Variants in ANKFN1 observed in about 807,000 individuals in gnomAD.
ANKFN1 encodes ankyrin repeat and fibronectin type-III domain-containing protein 1.
ANKFN1 carries 74 observed loss-of-function variants against 108.7 expected under a neutral mutation model. The observed-to-expected ratio is 0.68, with a 90% CI of 0.56 to 0.83. The LOEUF (loss-of-function observed/expected upper bound fraction) is 0.83. ANKFN1 is among the 40% of genes least tolerant of loss of function. ANKFN1 has a pLI of 0.00. For missense variants in ANKFN1, 1,505 were observed against 1,382.3 expected (o/e 1.09, Z -1.41); for synonymous variants, 547 against 516.2 (o/e 1.06, Z -0.81).
intron 8 of ANKFN1, among the ~76,000 whole-genome samples, chr17:56,427,913 C>T (rs762524227): frequency 1.3e-5 from 2 of 151,966 alleles, no homozygotes; most frequent in Admixed American, 6.6e-5. Context: ...CATTACCTAC[C>T]ACATAGGAGT....
intron 3 of ANKFN1, among the ~76,000 whole-genome samples, chr17:56,280,702 G>GT (rs151006741): frequency 0.046 from 6,922 of 151,462 alleles, 529 homozygotes; most frequent in African/African-American, 0.16. Context: ...AAATCACGGA[G>GT]TTTTTTTTTG....
intron 8 of ANKFN1, among the ~76,000 whole-genome samples, chr17:56,415,101 C>A (rs1214471296): frequency 6.6e-6 from 1 of 152,096 alleles, no homozygotes; most frequent in Non-Finnish European, 1.5e-5. Flanking sequence ...ATAACAGACT[C>A]ACAGCCTTTG....
At chr17:56,443,022 C>T in intron 10 of ANKFN1, 89 bp downstream of exon 10, 1 of 1,289,268 alleles carries the variant, frequency 7.8e-7, no homozygotes, top group South Asian at 1.3e-5. Flanking sequence ...TCCCTTCCCC[C>T]ACTGCTTGCA....
chr17:56,051,017 G>A (rs1904765148), intron 4 of ANKFN1, among the ~76,000 whole-genome samples: 1 of 112,318 alleles, frequency 8.9e-6, no homozygotes. Flanking sequence ...CATTCCTTCT[G>A]AAACTATTCC....
chr17:56,353,019 G>A (rs565266672), intron 5 of ANKFN1, among the ~76,000 whole-genome samples: 3 of 152,198 alleles, frequency 2.0e-5, no homozygotes, highest in Admixed American at 6.5e-5. Context: ...AGCCATAACT[G>A]CTACCTGTGC....
rs374131619 is a variant in ANKFN1, at chr17:56,508,498, A to C, written c.2645-1975A>C. 1.2e-4 allele frequency among the ~76,000 whole-genome samples: 19 copies of C among 152,332 alleles called. No individual in the cohort carries two copies. The East Asian group carries it at 1.7e-3, about 14-fold the overall frequency. On this transcript the variant is annotated intron_variant, in intron 20 of 20. Transcript: ENST00000682825. ...TTTTATACAACTCATATAATATCAA[A>C]ACGGGACTACTTGTGCTCTTTCTTT...
chr17:56,107,839 A>C (rs913282873), intron 4 of ANKFN1, among the ~76,000 whole-genome samples: 1 of 152,102 alleles, frequency 6.6e-6, no homozygotes, highest in Non-Finnish European at 1.5e-5. Flanking sequence ...GCATTCCTAT[A>C]GCACCTTTTT....
At chr17:56,211,065 T>C (rs1257538807) in intron 1 of ANKFN1, among the ~76,000 whole-genome samples, 1 of 152,246 alleles carries the variant, frequency 6.6e-6, no homozygotes, top group Admixed American at 6.5e-5. Flanking sequence ...CTGTTTACTC[T>C]GCTGATTATT....
At chr17:56,174,499 G>C in intron 1 of ANKFN1, 2 of 823,826 alleles carry the variant, frequency 2.4e-6, no homozygotes, top group Non-Finnish European at 2.9e-6. Context: ...CCCCTCCATG[G>C]AGTCTCTCTG....
chr17:56,408,314 G>T (rs1003357252), intron 8 of ANKFN1, among the ~76,000 whole-genome samples: 1 of 152,124 alleles, frequency 6.6e-6, no homozygotes, highest in Non-Finnish European at 1.5e-5. Flanking sequence ...TATCAAAGAT[G>T]TTTATACACA....
At chr17:56,052,636 C>A (rs1036122431) in intron 4 of ANKFN1, among the ~76,000 whole-genome samples, 6 of 152,100 alleles carry the variant, frequency 3.9e-5, no homozygotes, top group Non-Finnish European at 8.8e-5. Context: ...CATGCATTCC[C>A]ATCTCTCACC....
intron 15 of ANKFN1, among the ~76,000 whole-genome samples, chr17:56,473,997 A>G (rs2050415230): frequency 6.6e-6 from 1 of 152,122 alleles, no homozygotes; most frequent in Non-Finnish European, 1.5e-5. Context: ...TTATAAGCAC[A>G]TTTTCATATT....
chr17:56,416,855 C>A (rs1308985333), intron 8 of ANKFN1, among the ~76,000 whole-genome samples: 1 of 152,204 alleles, frequency 6.6e-6, no homozygotes. Context: ...CACATTTACA[C>A]AGTGGAGTAC....
At chr17:56,081,090 G>T (rs1905240093) in intron 4 of ANKFN1, among the ~76,000 whole-genome samples, 1 of 152,130 alleles carries the variant, frequency 6.6e-6, no homozygotes, top group Admixed American at 6.5e-5. Flanking sequence ...GGTCTATCTT[G>T]TTACTAGTGG....
intron 4 of ANKFN1, among the ~76,000 whole-genome samples, chr17:56,062,961 A>G (rs1049712591): frequency 6.6e-6 from 1 of 152,146 alleles, no homozygotes; most frequent in African/African-American, 2.4e-5. Flanking sequence ...TCTGGAAAGA[A>G]ATTTATTTCT....
chr17:56,221,979 C>T (rs1323620241), intron 2 of ANKFN1, among the ~76,000 whole-genome samples: 2 of 152,188 alleles, frequency 1.3e-5, no homozygotes, highest in African/African-American at 4.8e-5. Context: ...TGTGTGGAAA[C>T]TTGTAAGAAA....
intron 3 of ANKFN1, among the ~76,000 whole-genome samples, chr17:56,279,053 T>C (rs2044006409): frequency 6.6e-6 from 1 of 152,226 alleles, no homozygotes; most frequent in Non-Finnish European, 1.5e-5. Flanking sequence ...GTAAGATATG[T>C]CAGTTCCACA....
chr17:56,093,460 A>G (rs1294780448), intron 4 of ANKFN1, among the ~76,000 whole-genome samples: 1 of 151,154 alleles, frequency 6.6e-6, no homozygotes, highest in East Asian at 1.9e-4. Context: ...CAGTCTTCCC[A>G]TTTGCTTATG....
intron 1 of ANKFN1, among the ~76,000 whole-genome samples, chr17:56,199,235 C>G (rs1308325652): frequency 6.7e-6 from 1 of 148,258 alleles, no homozygotes; most frequent in Non-Finnish European, 1.5e-5. Flanking sequence ...ACAATTTTTC[C>G]CATTACGTTT....
Sources: allele counts gnomAD v4.1 joint callset (sites outside exome capture counted in the v4.1 genomes callset), GRCh38; gene constraint gnomAD v4.1.1; transcripts MANE v1.5; gene names NCBI Gene and HGNC (gene_info 2026-07-23, HGNC 2026-07-21).